The following PXDN variants were observed in gnomAD, a reference collection of about 807,000 sequenced individuals.
PXDN encodes the protein peroxidasin homolog.
Under a neutral mutation model 140.3 loss-of-function variants are expected in PXDN, and 77 were observed. That is an observed-to-expected ratio of 0.55 (90% CI 0.46 to 0.66). The LOEUF is 0.66. Among genes scored for constraint, PXDN ranks in the 30% least tolerant of loss-of-function variants. The pLI is 0.00. For missense variants in PXDN, 1,838 were observed against 2,039.5 expected, an observed-to-expected ratio of 0.90 and a Z score of 1.90; for synonymous variants, 911 against 857.4, an observed-to-expected ratio of 1.06 and a Z score of -1.09.
intron 1 of PXDN, among the ~76,000 whole-genome samples, chr2:1,720,268 A>AGAGG (rs1558525902): frequency 6.3e-4 from 41 of 65,376 alleles, no homozygotes; most frequent in East Asian, 6.9e-3. Context: ...AGAGAGAGAG[A>AGAGG]GAGGGAGGGA....
chr2:1,676,897 C>T (rs748308236), intron 8 of PXDN, 30 bp downstream of exon 8: 2 of 1,583,294 alleles, frequency 1.3e-6, no homozygotes, highest in South Asian at 2.3e-5. Context: ...GAGAGATGCA[C>T]AGGGGCATTT....
At position 1,643,580 on chromosome 2, in the gene PXDN, G is replaced by A. The variant is rs1319233558; in HGVS notation, c.3744-4C>T. On this transcript the variant is annotated splice_polypyrimidine_tract_variant and splice_region_variant and intron_variant, in intron 18 of 22. Transcript: ENST00000252804. The stretch of plus-strand genomic sequence containing the variant: ...CCCAGGGTTCTCATACCACAACCTG[G>A]ATCCCCCAAAATGAAAGCAGGATCA... 3 of 1,613,466 alleles carry A rather than the reference G, an allele frequency of 1.9e-6. No individual in the cohort carries two copies. Among genetic ancestry groups the A allele is most frequent in the East Asian group, 4.5e-5 (2 of 44,858 alleles).
chr2:1,706,408 C>T (rs1324449896), intron 1 of PXDN, among the ~76,000 whole-genome samples: 1 of 150,030 alleles, frequency 6.7e-6, no homozygotes, highest in Non-Finnish European at 1.5e-5. Context: ...CTGGCATTGC[C>T]AGAAGCCAGT....
intron 1 of PXDN, among the ~76,000 whole-genome samples, chr2:1,720,716 T>G: frequency 1.3e-5 from 1 of 79,002 alleles, no homozygotes; most frequent in South Asian, 5.2e-4. Context: ...TTTCTCTCTC[T>G]CTCTCTCTCA....
Position 1,644,713 on chromosome 2 carries a change from C to A in PXDN, c.3648G>T (p.Ala1216=). The part of the protein sequence containing the change: ...GSTLNIDLFP[A]LVVEDLVPGS... ...CAGGCACCAGGTCCTCCACCACGAG[C>A]GCCGGAAACAGGTCGATGTTGAGTG... Residue 1216 remains alanine (A), a synonymous_variant, in exon 18 of 23, where the codon GCG becomes GCT. Coordinates refer to ENST00000252804, the MANE Select transcript of PXDN (RefSeq NM_012293.3). The A allele has an allele frequency of 6.3e-7, 1 of 1,595,438 alleles. No individual in the cohort carries two copies. The highest frequency in any genetic ancestry group is 8.6e-7 in the Non-Finnish European group (1 of 1,168,250).
chr2:1,652,460 C>T (rs1683035407), intron 16 of PXDN, among the ~76,000 whole-genome samples: 1 of 148,690 alleles, frequency 6.7e-6, no homozygotes, highest in South Asian at 2.2e-4. Flanking sequence ...CCAATAAATA[C>T]TTGTTGAAAT....
At position 1,687,805 on chromosome 2, in the gene PXDN, A is replaced by T. The variant is rs754104955; in HGVS notation, c.345-102T>A. ...GACACATGGAGACAGTTTTACAATT[A>T]ATGACTGTATTAGAATGCAAACAAA... On this transcript the variant is annotated intron_variant, in intron 3 of 22. Coordinates refer to ENST00000252804, the MANE Select transcript of PXDN (RefSeq NM_012293.3). The surrounding 1 kb of genome is among the most constrained non-coding windows in gnomAD (Gnocchi z 4.0). 2.9e-4 allele frequency: 250 copies of T among 868,862 alleles called. No homozygotes were observed. Among genetic ancestry groups the T allele is most frequent in the Non-Finnish European group, 4.2e-4 (234 of 559,658 alleles). The allele number at this position is 868,862 out of a possible 1,614,324, so 53.8% of individuals were successfully genotyped here.
chr2:1,672,749 G>C (rs1372471588), intron 9 of PXDN, among the ~76,000 whole-genome samples: 2 of 152,156 alleles, frequency 1.3e-5, no homozygotes, highest in African/African-American at 4.8e-5. Flanking sequence ...ATTTAAACAA[G>C]AAACACCAAA....
At position 1,638,922 on chromosome 2, in the gene PXDN, G is replaced by A. The variant is rs1214038994; in HGVS notation, c.4130C>T (p.Ser1377Leu). 1.9e-6 allele frequency: 3 copies of A among 1,613,998 alleles called. No individual in the cohort carries two copies. The highest frequency in any genetic ancestry group is 2.5e-6 in the Non-Finnish European group (3 of 1,179,872). ...SNSTSAFSTR[S>L]DASGTNDFRE... ...GAAGTCATTTGTCCCAGATGCATCT[G>A]AGCGTGTGCTGAAGGCTGAGGTGCT... Residue 1377 changes from serine (S) to leucine (L), a missense_variant, in exon 21 of 23, where the codon TCA (serine) becomes TTA (leucine). By Grantham distance (145) the Ser-to-Leu change is moderately radical. This residue lies in a region of PXDN where 850 missense variants were observed against 894.1 expected (regional missense o/e 0.95). Transcript: ENST00000252804.
Position 1,666,143 on chromosome 2 carries a change from G to A in PXDN, c.1291+71C>T, listed in dbSNP as rs550956618. On this transcript the variant is annotated intron_variant, in intron 10 of 22. Transcript: ENST00000252804. ...GATTCTATGGAGCGTCTGTGGGTATGGCAGCGCGAGCTAGTGGAGGGGTGA... is the reference window on the plus strand; with the variant it reads ...GATTCTATGGAGCGTCTGTGGGTATAGCAGCGCGAGCTAGTGGAGGGGTGA... The A allele has an allele frequency of 1.8e-5, 28 of 1,567,308 alleles. No individual in the cohort carries two copies. The African/African-American group carries it at 3.5e-4, about 20-fold the overall frequency.
intron 8 of PXDN, chr2:1,676,285 G>C (rs1683708196): frequency 6.6e-6 from 1 of 152,608 alleles, no homozygotes; most frequent in Non-Finnish European, 1.5e-5. Context: ...TCACAGGTGG[G>C]GCTCGCTGCC....
intron 1 of PXDN, among the ~76,000 whole-genome samples, chr2:1,704,949 A>C (rs1684555400): frequency 6.6e-6 from 1 of 152,178 alleles, no homozygotes; most frequent in Non-Finnish European, 1.5e-5. Context: ...TAATAAGAGC[A>C]GATGATGCAT....
At chr2:1,686,513 A>C (rs1162819922) in intron 4 of PXDN, among the ~76,000 whole-genome samples, 2 of 152,180 alleles carry the variant, frequency 1.3e-5, no homozygotes, top group Non-Finnish European at 2.9e-5. Flanking sequence ...TCAGGATGGA[A>C]GAACTGTTTG....
At chr2:1,711,630 C>CA (rs1684787845) in intron 1 of PXDN, among the ~76,000 whole-genome samples, 1 of 91,088 alleles carries the variant, frequency 1.1e-5, no homozygotes, top group African/African-American at 5.4e-5. Context: ...CCACCAGCAC[C>CA]CGCTCCACCA....
At chr2:1,718,079 C>G (rs1396959543) in intron 1 of PXDN, among the ~76,000 whole-genome samples, 2 of 152,002 alleles carry the variant, frequency 1.3e-5, no homozygotes, top group African/African-American at 2.4e-5. Context: ...ACCTACTCCA[C>G]TAACCGACCA....
chr2:1,666,458 C>T lies in PXDN; in HGVS notation c.1047G>A (p.Gln349=), dbSNP rs1276437008. 8 of 1,598,136 alleles carry T rather than the reference C, an allele frequency of 5.0e-6. No individual in the cohort carries two copies. In the Admixed American group the frequency reaches 1.3e-4, roughly 27 times the overall value. The stretch of plus-strand genomic sequence containing the variant: ...TCTCCCCAACCAGCACCTCTGTATT[C>T]TGTGGCTGGATTACAAAAGTGGGTC... ...PARPTFVIQP[Q]NTEVLVGESV... The change falls in exon 10 of 23, where the codon CAG becomes CAA. Residue 349 remains glutamine (Q), a synonymous_variant. Transcript: ENST00000252804.
At position 1,639,997 on chromosome 2, in the gene PXDN, C is replaced by T. The variant is rs1412490018; in HGVS notation, c.3953-575G>A. ...CCTCAGTGCTATGCCTCACCTGAGC[C>T]CCGGGTGAGTGAGGGGCCCTCAGTG... On this transcript the variant is annotated intron_variant, in intron 19 of 22. Coordinates refer to ENST00000252804, the MANE Select transcript of PXDN (RefSeq NM_012293.3). This position sits in a 1 kb window ranked among gnomAD's most constrained non-coding sequence, Gnocchi z 5.0. Among the ~76,000 whole-genome samples the T allele has an allele frequency of 3.3e-5, 5 of 152,190 alleles. No individual in the cohort carries two copies. The highest frequency in any genetic ancestry group is 2.1e-4 in the South Asian group (1 of 4,830).
At chr2:1,735,351 C>A (rs1167302167) in intron 1 of PXDN, among the ~76,000 whole-genome samples, 1 of 152,180 alleles carries the variant, frequency 6.6e-6, no homozygotes, top group Non-Finnish European at 1.5e-5. Context: ...CCAGTTTAAT[C>A]AGAGAAATCG....
Position 1,684,148 on chromosome 2 carries a change from G to T in PXDN, c.420C>A (p.Tyr140Ter), listed in dbSNP as rs1418938785. 1.3e-6 allele frequency: 2 copies of T among 1,576,718 alleles called. No individual in the cohort carries two copies. The highest frequency in any genetic ancestry group is 1.7e-6 in the Non-Finnish European group (2 of 1,160,078). The change falls in exon 5 of 23, where the codon TAC becomes TAA. Residue 140 changes from tyrosine (Y) to a stop codon, truncating the protein, a stop_gained. Coordinates refer to ENST00000252804, the MANE Select transcript of PXDN (RefSeq NM_012293.3). LOFTEE classifies it high-confidence loss of function. ...FKGLASLEQL[Y>*]LHFNQIETLD... ...AAGTTTCTATCTGATTAAAGTGCAG[G>T]TATCTAGAGGAGTTAAAAGAAAAAA... is the stretch of plus-strand genomic sequence containing the variant.
Sources: allele counts gnomAD v4.1 joint callset (sites outside exome capture counted in the v4.1 genomes callset), GRCh38; gene constraint gnomAD v4.1.1; regional missense constraint gnomAD v4.1.1; non-coding constraint Gnocchi (gnomAD v3.1); transcripts MANE v1.5; gene names NCBI Gene and HGNC (gene_info 2026-07-23, HGNC 2026-07-21).